Variants in MIPOL1 observed in about 807,000 individuals in gnomAD.
The protein encoded by MIPOL1 is mirror-image polydactyly gene 1 protein.
Under a neutral mutation model 60.9 loss-of-function variants are expected in MIPOL1, and 57 were observed. The ratio of observed to expected loss-of-function variants is 0.94; its 90% confidence interval spans 0.76 to 1.17. The LOEUF (loss-of-function observed/expected upper bound fraction) is 1.17. MIPOL1 is among the 50% of genes most tolerant of loss of function. The pLI is 0.00. For missense variants in MIPOL1, 551 were observed against 511.6 expected (o/e 1.08, Z -0.74); for synonymous variants, 179 against 168.8 (o/e 1.06, Z -0.47).
At chr14:37,326,343 T>G (rs1338969036) in intron 9 of MIPOL1, among the ~76,000 whole-genome samples, 6 of 152,226 alleles carry the variant, frequency 3.9e-5, no homozygotes, top group Non-Finnish European at 5.9e-5. Flanking sequence ...AAGTGAGTTC[T>G]TGAATCAGAA....
At chr14:37,500,620 A>G (rs1363171711) in intron 12 of MIPOL1, among the ~76,000 whole-genome samples, 1 of 152,182 alleles carries the variant, frequency 6.6e-6, no homozygotes, top group East Asian at 1.9e-4. Flanking sequence ...TGCTTTTCAC[A>G]GTGCATAATT....
intron 7 of MIPOL1, among the ~76,000 whole-genome samples, chr14:37,306,333 A>G (rs994787064): frequency 1.3e-5 from 2 of 151,872 alleles, no homozygotes; most frequent in Admixed American, 1.3e-4. Flanking sequence ...TGGTCATATA[A>G]AATTCTTTGA....
At chr14:37,530,204 C>T (rs1370416653) in intron 12 of MIPOL1, among the ~76,000 whole-genome samples, 1 of 152,116 alleles carries the variant, frequency 6.6e-6, no homozygotes, top group Non-Finnish European at 1.5e-5. Context: ...GTAAAGAATT[C>T]AGCATCTTAA....
rs147598245 is a variant in MIPOL1 at position 37,467,530 on chromosome 14, T to G, written c.1032-32378T>G. Among the ~76,000 whole-genome samples, 490 of 152,290 alleles carry G rather than the reference T, an allele frequency of 3.2e-3. 2 individuals are homozygous for G. The highest frequency in any genetic ancestry group is 0.011 in the African/African-American group (439 of 41,560). On this transcript the variant is annotated intron_variant, in intron 11 of 12. Coordinates refer to ENST00000684589, the MANE Select transcript of MIPOL1 (RefSeq NM_001388067.1). ...TATAATAAGTTGTGGTGAAGTGATT[T>G]TAATATAGGAAATGTAAACGGAAGT...
intron 6 of MIPOL1, among the ~76,000 whole-genome samples, chr14:37,272,926 T>G (rs2153394503): frequency 6.6e-6 from 1 of 151,496 alleles, no homozygotes; most frequent in African/African-American, 2.4e-5. Context: ...GTCTATAGAT[T>G]TTAAAAATAA....
At chr14:37,437,912 A>G (rs1238651342) in intron 11 of MIPOL1, among the ~76,000 whole-genome samples, 1 of 152,160 alleles carries the variant, frequency 6.6e-6, no homozygotes, top group Non-Finnish European at 1.5e-5. Context: ...TTCTGTTAAT[A>G]CATTTATAAC....
At chr14:37,429,500 C>T (rs1467004641) in intron 11 of MIPOL1, among the ~76,000 whole-genome samples, 1 of 151,970 alleles carries the variant, frequency 6.6e-6, no homozygotes, top group Non-Finnish European at 1.5e-5. Flanking sequence ...GAATTCTTCA[C>T]TTTTTAAGGT....
At chr14:37,365,633 A>G (rs1372302669) in intron 9 of MIPOL1, among the ~76,000 whole-genome samples, 1 of 152,124 alleles carries the variant, frequency 6.6e-6, no homozygotes, top group Non-Finnish European at 1.5e-5. Context: ...GGATTTTTGC[A>G]TCAATATGCA....
At chr14:37,449,010 A>G (rs375518731) in intron 11 of MIPOL1, among the ~76,000 whole-genome samples, 17 of 152,324 alleles carry the variant, frequency 1.1e-4, no homozygotes, top group African/African-American at 4.1e-4. Context: ...TTGACTCTGT[A>G]TCTTCTCAAG....
chr14:37,511,605 G>A (rs938315057), intron 12 of MIPOL1, among the ~76,000 whole-genome samples: 8 of 152,178 alleles, frequency 5.3e-5, no homozygotes, highest in Admixed American at 6.5e-5. Context: ...CTATAGTTTC[G>A]TTTCCATCTA....
chr14:37,442,725 C>T (rs1427348097), intron 11 of MIPOL1, among the ~76,000 whole-genome samples: 1 of 150,562 alleles, frequency 6.6e-6, no homozygotes, highest in Non-Finnish European at 1.5e-5. Flanking sequence ...AAGAAAATAA[C>T]CTTTACAATA....
intron 11 of MIPOL1, among the ~76,000 whole-genome samples, chr14:37,493,684 G>T (rs2095078021): frequency 6.6e-6 from 1 of 152,086 alleles, no homozygotes; most frequent in South Asian, 2.1e-4. Flanking sequence ...AATTTATAAA[G>T]AATTATATAA....
chr14:37,545,559 T>G lies in MIPOL1; in HGVS notation c.1263-1346T>G, dbSNP rs2095544210. On this transcript the variant is annotated intron_variant, in intron 12 of 12. Coordinates refer to ENST00000684589, the MANE Select transcript of MIPOL1 (RefSeq NM_001388067.1). ...TTAGAAAAGTTTGTAGTAATAAACT[T>G]AGACAAGATTTGCCTTTTTACTCTA... The G allele has an allele frequency of 5.9e-6, 3 of 505,592 alleles. No individual in the cohort carries two copies. In the East Asian group the frequency reaches 9.9e-5, roughly 17 times the overall value. The allele number at this position is 505,592 out of a possible 1,614,324, so 31.3% of individuals were successfully genotyped here.
chr14:37,343,225 GTATTCATCT>G (rs1394441344), intron 9 of MIPOL1, among the ~76,000 whole-genome samples: 5 of 151,920 alleles, frequency 3.3e-5, no homozygotes, highest in African/African-American at 1.2e-4. Flanking sequence ...TCTTGTATAA[GTATTCATCT>G]AAATTAAATT....
intron 3 of MIPOL1, among the ~76,000 whole-genome samples, chr14:37,265,487 G>T (rs541932818): frequency 6.6e-6 from 1 of 152,040 alleles, no homozygotes; most frequent in African/African-American, 2.4e-5. Context: ...TTCAATGAAC[G>T]ATCAGTAAAT....
At chr14:37,293,134 A>G (rs1332468853) in intron 7 of MIPOL1, among the ~76,000 whole-genome samples, 1 of 93,654 alleles carries the variant, frequency 1.1e-5, no homozygotes, top group Non-Finnish European at 2.5e-5. Flanking sequence ...GCTTTTCTTC[A>G]TGAAAAGTTT....
At chr14:37,539,569 A>G (rs1237796439) in intron 12 of MIPOL1, among the ~76,000 whole-genome samples, 1 of 152,218 alleles carries the variant, frequency 6.6e-6, no homozygotes, top group Non-Finnish European at 1.5e-5. Flanking sequence ...CCGAGAGAGT[A>G]ACCAATAATG....
At chr14:37,325,649 G>T (rs989853795) in intron 9 of MIPOL1, among the ~76,000 whole-genome samples, 1 of 150,492 alleles carries the variant, frequency 6.6e-6, no homozygotes. Context: ...GTTGAATTCA[G>T]TTCTCATTTA....
intron 11 of MIPOL1, among the ~76,000 whole-genome samples, chr14:37,447,461 T>G (rs2094355098): frequency 6.6e-6 from 1 of 152,164 alleles, no homozygotes; most frequent in African/African-American, 2.4e-5. Flanking sequence ...ATGTTTTATC[T>G]TCAAAAAGAT....
Sources: allele counts gnomAD v4.1 joint callset (sites outside exome capture counted in the v4.1 genomes callset), GRCh38; gene constraint gnomAD v4.1.1; transcripts MANE v1.5; gene names NCBI Gene and HGNC (gene_info 2026-07-23, HGNC 2026-07-21).